ZBTB20: variants seen among roughly 807,000 people sequenced by gnomAD.
The protein encoded by ZBTB20 is zinc finger and BTB domain-containing protein 20.
ZBTB20 carries 9 observed loss-of-function variants against 56.9 expected under a neutral mutation model. That is an observed-to-expected ratio of 0.16 (90% CI 0.10 to 0.28). The LOEUF (loss-of-function observed/expected upper bound fraction) is 0.28, where lower values mean the gene tolerates loss of function less well. ZBTB20 is among the 10% of genes least tolerant of loss of function. ZBTB20 has a pLI of 1.00. For missense variants in ZBTB20, 655 were observed against 1,003.0 expected (o/e 0.65, Z 4.69); for synonymous variants, 417 against 420.7 (o/e 0.99, Z 0.11).
intron 6 of ZBTB20, chr3:114,582,176 T>A (rs1358539744): frequency 1.3e-5 from 2 of 152,174 alleles, no homozygotes; most frequent in East Asian, 3.8e-4. Flanking sequence ...TCTTCTTAGG[T>A]ATTATAAATA....
chr3:115,038,269 C>T (rs906221691), intron 2 of ZBTB20, among the ~76,000 whole-genome samples: 1 of 152,174 alleles, frequency 6.6e-6, no homozygotes, highest in Admixed American at 6.5e-5. Context: ...AAGTACTACA[C>T]ACCCTTCATT....
At chr3:114,545,719 C>G (rs16822910) in intron 6 of ZBTB20, among the ~76,000 whole-genome samples, 1,769 of 152,234 alleles carry the variant, frequency 0.012, 37 homozygotes, top group African/African-American at 0.041. Flanking sequence ...ATATTACAAG[C>G]TTCTAGTTAA....
At chr3:114,550,246 CTTT>C (rs1559946911) in intron 6 of ZBTB20, among the ~76,000 whole-genome samples, 1 of 152,082 alleles carries the variant, frequency 6.6e-6, no homozygotes, top group African/African-American at 2.4e-5. Flanking sequence ...CCTATAACTT[CTTT>C]ATTTATTTTT....
At chr3:115,054,769 GATT>G (rs1004290340) in intron 2 of ZBTB20, among the ~76,000 whole-genome samples, 4 of 151,988 alleles carry the variant, frequency 2.6e-5, no homozygotes, top group African/African-American at 7.2e-5. Flanking sequence ...CCCATAGAGG[GATT>G]ATTAAGATCC....
At chr3:115,049,131 T>C (rs970417609) in intron 2 of ZBTB20, among the ~76,000 whole-genome samples, 5 of 152,136 alleles carry the variant, frequency 3.3e-5, no homozygotes, top group African/African-American at 1.2e-4. Context: ...AGCCATCATG[T>C]CCTGTAGGAA....
chr3:114,988,134 A>C lies in ZBTB20; in HGVS notation c.-506-13718T>G, dbSNP rs191232591. Reference sequence around the variant, plus strand: ...AATTATGCTTTAAGTTCTAGGGTACATGTGCACAATGTGCAGGTTTGCTAC... The same window carrying C: ...AATTATGCTTTAAGTTCTAGGGTACCTGTGCACAATGTGCAGGTTTGCTAC... On this transcript the variant is annotated intron_variant, in intron 2 of 11. Transcript: ENST00000675478. Among the ~76,000 whole-genome samples the C allele has an allele frequency of 8.4e-3, 1,192 of 142,052 alleles. 9 individuals carry two copies. The highest frequency in any genetic ancestry group is 0.014 in the Non-Finnish European group (953 of 66,606). The allele number at this position is 142,052 out of a possible 152,430, so 93.2% of individuals were successfully genotyped here. A position where few individuals can be genotyped will look rare whatever the true frequency, so the allele number is the denominator to read the frequency against.
At chr3:115,089,255 T>C (rs1249116892) in intron 1 of ZBTB20, among the ~76,000 whole-genome samples, 1 of 151,816 alleles carries the variant, frequency 6.6e-6, no homozygotes, top group Non-Finnish European at 1.5e-5. Flanking sequence ...ACTTACTAGA[T>C]CTGCAATCTT....
At chr3:114,837,074 C>T (rs1252346832) in intron 4 of ZBTB20, among the ~76,000 whole-genome samples, 2 of 152,154 alleles carry the variant, frequency 1.3e-5, no homozygotes, top group Admixed American at 6.6e-5. Flanking sequence ...ATTGCCTCTG[C>T]CCAGACTGCT....
chr3:114,471,253 T>C (rs1378518813), intron 7 of ZBTB20, among the ~76,000 whole-genome samples: 1 of 152,190 alleles, frequency 6.6e-6, no homozygotes, highest in Non-Finnish European at 1.5e-5. Context: ...CCTATCTATA[T>C]ATCATATTTA....
chr3:114,727,397 C>T (rs1202659047), intron 5 of ZBTB20, among the ~76,000 whole-genome samples: 1 of 152,222 alleles, frequency 6.6e-6, no homozygotes, highest in Non-Finnish European at 1.5e-5. Flanking sequence ...AATATCATCT[C>T]ACCTTGGTTC....
chr3:114,649,089 G>T (rs1057358221), intron 6 of ZBTB20, among the ~76,000 whole-genome samples: 2 of 151,920 alleles, frequency 1.3e-5, no homozygotes, highest in Non-Finnish European at 2.9e-5. Context: ...TTACCCCACA[G>T]TTTAATTTGA....
At position 115,055,187 on chromosome 3, in the gene ZBTB20, ATC is replaced by A. The variant is rs58480744; in HGVS notation, c.-507+16030_-507+16031del. Among the ~76,000 whole-genome samples, 216 of 103,170 alleles carry A rather than the reference ATC, an allele frequency of 2.1e-3. 1 individual carries two copies. The highest frequency in any genetic ancestry group is 5.6e-3 in the Middle Eastern group (1 of 178). 67.7% of individuals were successfully genotyped at this position (103,170 alleles called of 152,430 possible). A position where few individuals can be genotyped will look rare whatever the true frequency, so the allele number is the denominator to read the frequency against. Reference sequence around the variant, plus strand: ...TACAATCTTTTGCTCCCTCCTGGTAATCTCTCTCTCTCTCTCTCTCTCTCTCT... The same window carrying A: ...TACAATCTTTTGCTCCCTCCTGGTAATCTCTCTCTCTCTCTCTCTCTCTCT... On this transcript the variant is annotated intron_variant, in intron 2 of 11. Transcript: ENST00000675478.
At chr3:115,109,196 C>T (rs1166925153) in intron 1 of ZBTB20, among the ~76,000 whole-genome samples, 2 of 152,064 alleles carry the variant, frequency 1.3e-5, no homozygotes, top group Non-Finnish European at 2.9e-5. Flanking sequence ...GTTTCCACAT[C>T]TACATAATTT....
chr3:114,890,427 G>A (rs888048613), intron 4 of ZBTB20, among the ~76,000 whole-genome samples: 1 of 152,130 alleles, frequency 6.6e-6, no homozygotes, highest in African/African-American at 2.4e-5. Context: ...GATCTAACTC[G>A]GATAGGATGG....
At chr3:114,483,879 G>C (rs973702641) in intron 7 of ZBTB20, among the ~76,000 whole-genome samples, 21 of 151,818 alleles carry the variant, frequency 1.4e-4, no homozygotes, top group African/African-American at 5.1e-4. Flanking sequence ...TTCAAAAATT[G>C]CAAGAGTAGT....
intron 2 of ZBTB20, chr3:115,027,367 A>G: frequency 6.6e-6 from 1 of 150,966 alleles, no homozygotes; most frequent in Non-Finnish European, 1.5e-5. Flanking sequence ...AATCAATGCT[A>G]CTGAATCAGG....
chr3:114,754,707 A>T (rs1338126941), intron 5 of ZBTB20, among the ~76,000 whole-genome samples: 1 of 152,142 alleles, frequency 6.6e-6, no homozygotes, highest in Non-Finnish European at 1.5e-5. Flanking sequence ...CTTTGTATAT[A>T]GTAGTTCTTA....
intron 4 of ZBTB20, among the ~76,000 whole-genome samples, chr3:114,801,497 T>A (rs149841954): frequency 0.012 from 1,745 of 151,650 alleles, 15 homozygotes; most frequent in South Asian, 0.042. Context: ...TTTAGCTATA[T>A]TCTGATTAAA....
intron 6 of ZBTB20, among the ~76,000 whole-genome samples, chr3:114,678,957 C>T (rs75033034): frequency 0.018 from 2,786 of 152,106 alleles, 78 homozygotes; most frequent in African/African-American, 0.063. Flanking sequence ...ATTGTAACTG[C>T]CATGAGCTGA....
Sources: allele counts gnomAD v4.1 joint callset (sites outside exome capture counted in the v4.1 genomes callset), GRCh38; gene constraint gnomAD v4.1.1; transcripts MANE v1.5; gene names NCBI Gene and HGNC (gene_info 2026-07-23, HGNC 2026-07-21).